The following PLD5 variants were observed in gnomAD, a reference collection of about 807,000 sequenced individuals.
PLD5 encodes the protein phospholipase D family member 5, also known as inactive phospholipase D5.
In PLD5, 36 loss-of-function variants were observed where a neutral mutation model predicts 61.1. The observed-to-expected ratio is 0.59, with a 90% CI of 0.45 to 0.78. The LOEUF is 0.78. PLD5 is among the 30% of genes least tolerant of loss of function. PLD5 has a pLI of 0.00. For missense variants in PLD5, 515 were observed against 644.4 expected (o/e 0.80, Z 2.17); for synonymous variants, 243 against 242.8 (o/e 1.00, Z -0.01).
chr1:242,299,198 G>A (rs561423740), intron 2 of PLD5, among the ~76,000 whole-genome samples: 2 of 152,154 alleles, frequency 1.3e-5, no homozygotes, highest in Non-Finnish European at 2.9e-5. Context: ...GAGATGTATT[G>A]ATACAGGCAT....
Position 242,394,360 on chromosome 1 carries a change from GTA to G in PLD5, c.190-46120_190-46119del, listed in dbSNP as rs1206816676. Reference sequence around the variant, plus strand: ...TGTGTATATATGAGTATATATGTGTGTATATATGAGTATATATGTGTGTATAT... The same window carrying G: ...TGTGTATATATGAGTATATATGTGTGTATATGAGTATATATGTGTGTATAT... On this transcript the variant is annotated intron_variant, in intron 1 of 9. Transcript: ENST00000536534. Among the ~76,000 whole-genome samples the G allele has an allele frequency of 1.6e-4, 11 of 66,746 alleles. 2 individuals carry two copies. Among genetic ancestry groups the G allele is most frequent in the African/African-American group, 5.5e-4 (9 of 16,506 alleles). The allele number at this position is 66,746 out of a possible 152,430, so 43.8% of individuals were successfully genotyped here.
chr1:242,233,603 G>A (rs561909576), intron 4 of PLD5, among the ~76,000 whole-genome samples: 1 of 152,262 alleles, frequency 6.6e-6, no homozygotes, highest in South Asian at 2.1e-4. Context: ...CGGCAGGCAT[G>A]CAGGCAGAAA....
At chr1:242,187,885 C>T (rs1465816593) in intron 5 of PLD5, among the ~76,000 whole-genome samples, 1 of 152,052 alleles carries the variant, frequency 6.6e-6, no homozygotes, top group Non-Finnish European at 1.5e-5. Flanking sequence ...TACGGGGCCA[C>T]AAAAGTTACA....
At chr1:242,311,612 G>C (rs1275441256) in intron 2 of PLD5, among the ~76,000 whole-genome samples, 1 of 152,198 alleles carries the variant, frequency 6.6e-6, no homozygotes, top group Admixed American at 6.5e-5. Flanking sequence ...TGTTATTGAG[G>C]ATCCTTTGTA....
chr1:242,354,776 C>G (rs1282916866), intron 1 of PLD5, among the ~76,000 whole-genome samples: 1 of 150,276 alleles, frequency 6.7e-6, no homozygotes, highest in Non-Finnish European at 1.5e-5. Flanking sequence ...TATATATGGC[C>G]TTTATTATGA....
At chr1:242,479,413 A>G (rs766175528) in intron 1 of PLD5, among the ~76,000 whole-genome samples, 4 of 152,376 alleles carry the variant, frequency 2.6e-5, no homozygotes, top group Non-Finnish European at 4.4e-5. Context: ...AAATGCAATT[A>G]AAAGTAGAAC....
At chr1:242,303,826 G>A (rs1676195149) in intron 2 of PLD5, among the ~76,000 whole-genome samples, 1 of 152,194 alleles carries the variant, frequency 6.6e-6, no homozygotes, top group South Asian at 2.1e-4. Flanking sequence ...ATTGTTCAAG[G>A]ATGATGTCAA....
chr1:242,200,279 C>T (rs1322777727), intron 5 of PLD5, among the ~76,000 whole-genome samples: 3 of 152,180 alleles, frequency 2.0e-5, no homozygotes, highest in Non-Finnish European at 4.4e-5. Flanking sequence ...TTATTCCTGC[C>T]TTGTGGACAG....
At chr1:242,324,027 C>T (rs1658590783) in intron 2 of PLD5, among the ~76,000 whole-genome samples, 1 of 151,774 alleles carries the variant, frequency 6.6e-6, no homozygotes, top group East Asian at 1.9e-4. Flanking sequence ...AGTTAAGCAT[C>T]AAAATCTTTA....
At chr1:242,219,081 G>A (rs979549798) in intron 5 of PLD5, among the ~76,000 whole-genome samples, 1 of 152,118 alleles carries the variant, frequency 6.6e-6, no homozygotes, top group African/African-American at 2.4e-5. Context: ...TTTAACTCTT[G>A]GAAAATGTAT....
chr1:242,342,807 A>T (rs2149214610), intron 2 of PLD5, among the ~76,000 whole-genome samples: 1 of 152,260 alleles, frequency 6.6e-6, no homozygotes, highest in Non-Finnish European at 1.5e-5. Flanking sequence ...ATTACAACTG[A>T]GGCTCATTAA....
At chr1:242,316,847 T>A (rs1180632635) in intron 2 of PLD5, among the ~76,000 whole-genome samples, 3 of 103,162 alleles carry the variant, frequency 2.9e-5, no homozygotes, top group African/African-American at 1.2e-4. Flanking sequence ...CTCCTACTTA[T>A]AAGTGAGAAC....
chr1:242,247,767 A>G (rs1311069870), intron 4 of PLD5, among the ~76,000 whole-genome samples: 1 of 152,122 alleles, frequency 6.6e-6, no homozygotes, highest in African/African-American at 2.4e-5. Flanking sequence ...TTCTCCTTCA[A>G]TGTGATTTTT....
At chr1:242,325,358 GATATAT>G (rs35079646) in intron 2 of PLD5, among the ~76,000 whole-genome samples, 1 of 137,952 alleles carries the variant, frequency 7.2e-6, no homozygotes, top group Non-Finnish European at 1.5e-5. Flanking sequence ...TGCATGGCGA[GATATAT>G]ATATATATAG....
intron 1 of PLD5, among the ~76,000 whole-genome samples, chr1:242,350,563 G>T (rs1660420766): frequency 6.6e-6 from 1 of 151,846 alleles, no homozygotes; most frequent in Admixed American, 6.6e-5. Context: ...GATTTCCTAA[G>T]AATCCAAGGA....
chr1:242,454,070 C>T (rs1666869003), intron 1 of PLD5, among the ~76,000 whole-genome samples: 2 of 152,158 alleles, frequency 1.3e-5, no homozygotes, highest in African/African-American at 2.4e-5. Flanking sequence ...TGGCTCATGC[C>T]TGTAATCTCA....
chr1:242,343,762 G>A (rs1197199981), intron 2 of PLD5, among the ~76,000 whole-genome samples: 2 of 134,160 alleles, frequency 1.5e-5, no homozygotes, highest in East Asian at 2.1e-4. Context: ...CTGCCAGATC[G>A]AGGCAAAAAA....
At chr1:242,141,037 C>T (rs1664122678) in intron 5 of PLD5, among the ~76,000 whole-genome samples, 1 of 152,196 alleles carries the variant, frequency 6.6e-6, no homozygotes, top group Admixed American at 6.5e-5. Flanking sequence ...GAACATTCCA[C>T]TAAGGCCTTG....
intron 9 of PLD5, among the ~76,000 whole-genome samples, chr1:242,094,601 C>A (rs749626230): frequency 6.6e-6 from 1 of 151,872 alleles, no homozygotes; most frequent in Non-Finnish European, 1.5e-5. Context: ...TAGAACTGTG[C>A]TTCAGTCTAG....
Sources: allele counts gnomAD v4.1 joint callset (sites outside exome capture counted in the v4.1 genomes callset), GRCh38; gene constraint gnomAD v4.1.1; transcripts MANE v1.5; gene names NCBI Gene and HGNC (gene_info 2026-07-23, HGNC 2026-07-21).